The following ASTN2 variants were observed in gnomAD, a reference collection of about 807,000 sequenced individuals.
ASTN2 encodes astrotactin-2.
Under a neutral mutation model 139.8 loss-of-function variants are expected in ASTN2, and 54 were observed. The observed-to-expected ratio is 0.39, with a 90% confidence interval of 0.31 to 0.48. The LOEUF (loss-of-function observed/expected upper bound fraction) is 0.48. ASTN2 is among the 20% of genes least tolerant of loss of function. The pLI is 0.95. For synonymous variants in ASTN2, 756 were observed against 719.5 expected (o/e 1.05, Z -0.81); for missense variants, 1,565 against 1,725.1 (o/e 0.91, Z 1.64).
intron 19 of ASTN2, among the ~76,000 whole-genome samples, chr9:116,510,068 C>A (rs974878436): frequency 6.6e-6 from 1 of 152,108 alleles, no homozygotes; most frequent in Admixed American, 6.6e-5. Flanking sequence ...GTTTGAGACA[C>A]GAAGTCCTTG....
intron 10 of ASTN2, among the ~76,000 whole-genome samples, chr9:116,950,538 G>A (rs1835528263): frequency 6.6e-6 from 1 of 152,182 alleles, no homozygotes; most frequent in Non-Finnish European, 1.5e-5. Context: ...GGTTGGATAT[G>A]TTTAAATACT....
intron 13 of ASTN2, among the ~76,000 whole-genome samples, chr9:116,742,324 C>T (rs777662963): frequency 2.0e-5 from 3 of 152,166 alleles, no homozygotes; most frequent in Non-Finnish European, 4.4e-5. Context: ...GTGATGGCCT[C>T]ACAGTTGTAC....
At chr9:117,306,327 G>A (rs10759915) in intron 1 of ASTN2, among the ~76,000 whole-genome samples, 62,562 of 151,924 alleles carry the variant, frequency 0.41, 13,700 homozygotes, top group Non-Finnish European at 0.49. Context: ...AGTCAAGAAA[G>A]CTGAAACTCA....
intron 13 of ASTN2, among the ~76,000 whole-genome samples, chr9:116,782,498 A>G (rs532935756): frequency 9.2e-5 from 14 of 152,240 alleles, no homozygotes; most frequent in Middle Eastern, 3.4e-3. Context: ...TGCATGTTTT[A>G]TAAACTTCTA....
intron 19 of ASTN2, among the ~76,000 whole-genome samples, chr9:116,522,341 G>A (rs1850911151): frequency 6.6e-6 from 1 of 152,024 alleles, no homozygotes; most frequent in African/African-American, 2.4e-5. Context: ...GCTATAAAAA[G>A]GTATGAAATA....
intron 4 of ASTN2, among the ~76,000 whole-genome samples, chr9:117,121,406 A>G (rs558375026): frequency 4.6e-5 from 7 of 152,354 alleles, no homozygotes; most frequent in African/African-American, 1.7e-4. Context: ...CCCTTGCAAA[A>G]TAAAGAATAA....
chr9:117,389,904 G>T (rs1254319881), intron 1 of ASTN2, among the ~76,000 whole-genome samples: 1 of 152,068 alleles, frequency 6.6e-6, no homozygotes, highest in South Asian at 2.1e-4. Context: ...TGTATTCGGG[G>T]GTAGGTGAAC....
intron 6 of ASTN2, among the ~76,000 whole-genome samples, chr9:117,010,999 C>T (rs1314144687): frequency 6.6e-6 from 1 of 152,154 alleles, no homozygotes; most frequent in African/African-American, 2.4e-5. Flanking sequence ...GGTCAACCAT[C>T]CACATTTCTG....
chr9:117,172,303 C>A (rs1404607851), intron 3 of ASTN2, among the ~76,000 whole-genome samples: 2 of 152,034 alleles, frequency 1.3e-5, no homozygotes, highest in Admixed American at 6.6e-5. Context: ...CTTGTTTGAC[C>A]AAAGAACTGG....
chr9:116,968,511 G>C (rs1836083976), intron 10 of ASTN2, among the ~76,000 whole-genome samples: 1 of 152,078 alleles, frequency 6.6e-6, no homozygotes, highest in South Asian at 2.1e-4. Flanking sequence ...GAAAAGAGGA[G>C]AGAAAAGAGC....
intron 10 of ASTN2, among the ~76,000 whole-genome samples, chr9:116,873,140 C>A (rs532244235): frequency 6.6e-6 from 1 of 152,272 alleles, no homozygotes; most frequent in Admixed American, 6.5e-5. Context: ...ACTTAATCCT[C>A]CCCCAAAACA....
At chr9:116,777,030 T>C (rs1427468030) in intron 13 of ASTN2, among the ~76,000 whole-genome samples, 1 of 152,214 alleles carries the variant, frequency 6.6e-6, no homozygotes, top group Non-Finnish European at 1.5e-5. Context: ...ATAGCATTTC[T>C]TGGGATGCCT....
chr9:116,747,419 G>T (rs1420277779), intron 13 of ASTN2, among the ~76,000 whole-genome samples: 4 of 152,190 alleles, frequency 2.6e-5, no homozygotes, highest in Admixed American at 6.5e-5. Flanking sequence ...GAATGTCTTA[G>T]ATGGATGCCC....
At chr9:117,281,559 G>T (rs1834324877) in intron 2 of ASTN2, among the ~76,000 whole-genome samples, 1 of 152,178 alleles carries the variant, frequency 6.6e-6, no homozygotes, top group Non-Finnish European at 1.5e-5. Flanking sequence ...CTGCAAATGT[G>T]CTCACAGCAT....
At chr9:117,007,915 C>T (rs1010694710) in intron 7 of ASTN2, among the ~76,000 whole-genome samples, 177 bp downstream of exon 7, 4 of 152,036 alleles carry the variant, frequency 2.6e-5, no homozygotes, top group Non-Finnish European at 4.4e-5. Flanking sequence ...CTAAGAATTT[C>T]CCCCCTTGAA....
At chr9:117,075,216 C>T (rs1458088815) in intron 5 of ASTN2, among the ~76,000 whole-genome samples, 3 of 152,150 alleles carry the variant, frequency 2.0e-5, no homozygotes, top group African/African-American at 4.8e-5. Flanking sequence ...GTAGCAGTCC[C>T]CAAATCTCCC....
intron 10 of ASTN2, among the ~76,000 whole-genome samples, chr9:116,934,164 C>T (rs1482394138): frequency 1.3e-5 from 2 of 151,844 alleles, no homozygotes; most frequent in Non-Finnish European, 2.9e-5. Flanking sequence ...ATATCATCAG[C>T]TCCATTTCCA....
chr9:117,164,023 C>T (rs1830612413), intron 3 of ASTN2, among the ~76,000 whole-genome samples: 1 of 152,084 alleles, frequency 6.6e-6, no homozygotes, highest in African/African-American at 2.4e-5. Context: ...TTTTCACCAT[C>T]AGTTTCAAAG....
At position 116,927,002 on chromosome 9, in the gene ASTN2, G is replaced by A. The variant is rs180786345; in HGVS notation, c.1889+48206C>T. Reference sequence around the variant, plus strand: ...GAACAGAGTCTGAGAACAATGAATCGTGGTTTACAAGTTTTAGAAAAACTA... The same window carrying A: ...GAACAGAGTCTGAGAACAATGAATCATGGTTTACAAGTTTTAGAAAAACTA... On this transcript the variant is annotated intron_variant, in intron 10 of 22. Coordinates refer to ENST00000313400, the MANE Select transcript of ASTN2 (RefSeq NM_001365068.1). Among the ~76,000 whole-genome samples the A allele has an allele frequency of 5.6e-4, 86 of 152,312 alleles. 1 individual carries two copies. The highest frequency in any genetic ancestry group is 1.9e-3 in the African/African-American group (77 of 41,572).
Sources: gnomAD v4.1 joint callset for allele counts (sites outside exome capture counted in the v4.1 genomes callset) on GRCh38, gnomAD v4.1.1 for gene constraint, MANE v1.5 for transcripts, NCBI Gene and HGNC (gene_info 2026-07-23, HGNC 2026-07-21) for gene names.